Variants in OPA3 observed in about 807,000 individuals in gnomAD.
The protein encoded by OPA3 is outer mitochondrial membrane lipid metabolism regulator OPA3.
In OPA3, 6 loss-of-function variants were observed where a neutral mutation model predicts 4.0. That is an observed-to-expected ratio of 1.51 (90% CI 0.83 to 2.99). The LOEUF (loss-of-function observed/expected upper bound fraction) is 2.99. Among genes scored for constraint, OPA3 ranks in the 30% most tolerant of loss-of-function variants. OPA3 has a pLI of 0.00. For missense variants in OPA3, 235 were observed against 256.2 expected, an observed-to-expected ratio of 0.92 and a Z score of 0.56; for synonymous variants, 105 against 117.1, an observed-to-expected ratio of 0.90 and a Z score of 0.67.
intron 1 of OPA3, among the ~76,000 whole-genome samples, chr19:45,572,122 G>GAT (rs10664580): frequency 0.17 from 24,516 of 140,440 alleles, 2,379 homozygotes; most frequent in Non-Finnish European, 0.22. Flanking sequence ...AATATATATT[G>GAT]ATATATATAT....
intron 1 of OPA3, among the ~76,000 whole-genome samples, chr19:45,564,579 G>C (rs1969554916): frequency 6.6e-6 from 1 of 152,124 alleles, no homozygotes; most frequent in South Asian, 2.1e-4. Flanking sequence ...GCCTGGTGTT[G>C]CTGGGGACAA....
intron 1 of OPA3, 85 bp downstream of exon 1, chr19:45,584,538 G>A (rs969992338): frequency 1.9e-6 from 3 of 1,609,068 alleles, no homozygotes; most frequent in Admixed American, 1.7e-5. Context: ...GTGATTGGTC[G>A]TAGACAGAAG....
chr19:45,576,542 C>CA (rs55666935), intron 1 of OPA3, among the ~76,000 whole-genome samples: 1,867 of 144,622 alleles, frequency 0.013, 51 homozygotes, highest in African/African-American at 0.047. Context: ...CCATCCCCCC[C>CA]CCCCCAAAAA....
downstream of OPA3, among the ~76,000 whole-genome samples, chr19:45,542,010 A>C (rs1419678920): frequency 6.6e-6 from 1 of 152,166 alleles, no homozygotes; most frequent in Non-Finnish European, 1.5e-5. Flanking sequence ...TGAGTGCTTC[A>C]TGCTCGCTGC....
intron 1 of OPA3, among the ~76,000 whole-genome samples, chr19:45,532,361 G>C (rs528439577): frequency 2.6e-5 from 4 of 152,274 alleles, no homozygotes; most frequent in Non-Finnish European, 5.9e-5. Flanking sequence ...GAGAATAACT[G>C]ATCCTAGTGA....
chr19:45,550,284 TG>T lies in OPA3; in HGVS notation c.*3229del. On this transcript the variant is annotated 3_prime_UTR_variant, in exon 2 of 2. Transcript: ENST00000263275. Reference sequence around the variant, plus strand: ...CCTCTTTAGAGAAGGGAGGTGAGGATGGAAGTCGGGGAAAGCCCGGCCCTCC... The same window carrying T: ...CCTCTTTAGAGAAGGGAGGTGAGGATGAAGTCGGGGAAAGCCCGGCCCTCC... The T allele has an allele frequency of 2.0e-6, 2 of 985,370 alleles. No homozygotes were observed. The highest frequency in any genetic ancestry group is 2.4e-6 in the Non-Finnish European group (2 of 829,980). The allele number at this position is 985,370 out of a possible 1,614,324, so 61.0% of individuals were successfully genotyped here. A position where few individuals can be genotyped will look rare whatever the true frequency, so the allele number is the denominator to read the frequency against.
In OPA3 at chr19:45,561,151, T is replaced by C. The variant is rs549220433; in HGVS notation, c.143-7240A>G. On this transcript the variant is annotated intron_variant, in intron 1 of 1. Transcript: ENST00000263275. The stretch of plus-strand genomic sequence containing the variant: ...GAGTTCAAGACCAGCCTGACCAACA[T>C]GGAGAAACCCTGTCTCTACTAAAAA... 4.0e-4 allele frequency among the ~76,000 whole-genome samples: 61 copies of C among 152,094 alleles called. No individual in the cohort carries two copies. The East Asian group carries it at 9.7e-3, about 24-fold the overall frequency.
rs561748985 is a variant in OPA3, at chr19:45,552,816, C to T, written c.*698G>A. 6.1e-4 allele frequency: 109 copies of T among 179,178 alleles called. No individual in the cohort carries two copies. Among genetic ancestry groups the T allele is most frequent in the Middle Eastern group, 2.8e-3 (1 of 358 alleles). The allele number at this position is 179,178 out of a possible 1,614,324, so 11.1% of individuals were successfully genotyped here. On this transcript the variant is annotated 3_prime_UTR_variant, in exon 2 of 2. Coordinates refer to ENST00000263275, the MANE Select transcript of OPA3 (RefSeq NM_025136.4). ...TCAGCCTCCCGAGTAGCTGGGATTA[C>T]AAGCGCACCCCACCACACCCGGCTA... is the stretch of plus-strand genomic sequence containing the variant.
chr19:45,575,296 GC>G (rs1568410274), intron 1 of OPA3, among the ~76,000 whole-genome samples: 1 of 151,992 alleles, frequency 6.6e-6, no homozygotes, highest in East Asian at 1.9e-4. Context: ...TTGCCATGTT[GC>G]CCAGGCTAGT....
At chr19:45,542,665 G>GTTTTTTTTTTTTT (rs59474391), downstream of OPA3, among the ~76,000 whole-genome samples, 1 of 103,334 alleles carries the variant, frequency 9.7e-6, no homozygotes, top group African/African-American at 3.9e-5. Flanking sequence ...CTGTTTTTTT[G>GTTTTTTTTTTTTT]TTTTTTTTTT....
chr19:45,582,257 T>TCAAGCG (rs1417965244), intron 1 of OPA3, among the ~76,000 whole-genome samples: 1 of 151,910 alleles, frequency 6.6e-6, no homozygotes, highest in Non-Finnish European at 1.5e-5. Flanking sequence ...ATCCCCGGGT[T>TCAAGCG]CAAGCGATTC....
Position 45,549,638 on chromosome 19 carries a change from C to A in OPA3, c.*3876G>T. The A allele has an allele frequency of 3.8e-6, 3 of 795,808 alleles. No individual in the cohort carries two copies. The highest frequency in any genetic ancestry group is 4.6e-6 in the Non-Finnish European group (3 of 657,382). 49.3% of individuals were successfully genotyped at this position (795,808 alleles called of 1,614,324 possible). A position where few individuals can be genotyped will look rare whatever the true frequency, so the allele number is the denominator to read the frequency against. On this transcript the variant is annotated 3_prime_UTR_variant, in exon 2 of 2. Transcript: ENST00000263275. ...TGGGATTCAGGAATGTGCCAACATG[C>A]CCGGCTAATTTTTGTATTTTTAGTA...
At chr19:45,560,932 G>A (rs1969492660) in intron 1 of OPA3, among the ~76,000 whole-genome samples, 2 of 152,180 alleles carry the variant, frequency 1.3e-5, no homozygotes, top group Non-Finnish European at 2.9e-5. Flanking sequence ...AGATTTTTCT[G>A]AGCATGAAAC....
At position 45,550,824 on chromosome 19, in the gene OPA3, C is replaced by T; in HGVS notation, c.*2690G>A. ...AGAGAGCTACAGTCGGAAGGACAGA[C>T]TGCAGGCTACTGGGACCCACCCCCT... On this transcript the variant is annotated 3_prime_UTR_variant, in exon 2 of 2. Coordinates refer to ENST00000263275, the MANE Select transcript of OPA3 (RefSeq NM_025136.4). 1.0e-6 allele frequency: 1 copy of T among 986,128 alleles called. No homozygotes were observed. The highest frequency in any genetic ancestry group is 1.2e-6 in the Non-Finnish European group (1 of 830,152). 61.1% of individuals were successfully genotyped at this position (986,128 alleles called of 1,614,324 possible).
At chr19:45,529,866 T>C (rs1452049238) in intron 1 of OPA3, among the ~76,000 whole-genome samples, 1 of 151,866 alleles carries the variant, frequency 6.6e-6, no homozygotes, top group Non-Finnish European at 1.5e-5. Context: ...CCAGAGTAGC[T>C]GGGACAACGT....
downstream of OPA3, among the ~76,000 whole-genome samples, chr19:45,545,171 AAAAAAAAC>A (rs1303249081): frequency 1.3e-5 from 2 of 148,622 alleles, no homozygotes; most frequent in East Asian, 2.0e-4. Flanking sequence ...TCTCAAAAAA[AAAAAAAAC>A]AAAAAAACAA....
At chr19:45,533,962 A>C (rs562244904) in intron 1 of OPA3, among the ~76,000 whole-genome samples, 3 of 152,256 alleles carry the variant, frequency 2.0e-5, no homozygotes, top group Non-Finnish European at 4.4e-5. Flanking sequence ...TTGCACACAC[A>C]TGCACATGCA....
chr19:45,558,406 C>T (rs1407892828), intron 1 of OPA3, among the ~76,000 whole-genome samples: 1 of 152,154 alleles, frequency 6.6e-6, no homozygotes, highest in Non-Finnish European at 1.5e-5. Flanking sequence ...ATAAAAGTAA[C>T]ACATGGCAAG....
chr19:45,548,309 C>T lies in OPA3; in HGVS notation c.*5205G>A. ...CTGGGGTGGCTCTCAGCCATTTTGC[C>T]TCCCTCCAGGCAATGGCCTGCCCTA... On this transcript the variant is annotated 3_prime_UTR_variant, in exon 2 of 2. Transcript: ENST00000263275. 1.0e-6 allele frequency: 1 copy of T among 985,498 alleles called. No homozygotes were observed. Among genetic ancestry groups the T allele is most frequent in the Non-Finnish European group, 1.2e-6 (1 of 829,968 alleles). The allele number at this position is 985,498 out of a possible 1,614,324, so 61.0% of individuals were successfully genotyped here.
Sources: allele counts gnomAD v4.1 joint callset (sites outside exome capture counted in the v4.1 genomes callset), GRCh38; gene constraint gnomAD v4.1.1; transcripts MANE v1.5; gene names NCBI Gene and HGNC (gene_info 2026-07-23, HGNC 2026-07-21).